Variants in RASA3 observed in about 807,000 individuals in gnomAD.
The protein encoded by RASA3 is RAS p21 protein activator 3, also known as ras GTPase-activating protein 3.
A neutral mutation model predicts 110.0 loss-of-function variants in RASA3; 73 were observed. The observed-to-expected ratio is 0.66, with a 90% CI of 0.55 to 0.81. The LOEUF is 0.81. Ranked by LOEUF, RASA3 falls within the 30% of genes least tolerant of loss-of-function variation. RASA3 has a pLI of 0.00. For synonymous variants in RASA3, 500 were observed against 451.4 expected (o/e 1.11, Z -1.37); for missense variants, 976 against 1,113.2 (o/e 0.88, Z 1.75).
chr13:114,013,938 GTCTCTATCTCTCTGTCTCTC>G (rs1310735057), intron 14 of RASA3, among the ~76,000 whole-genome samples: 2 of 47,088 alleles, frequency 4.2e-5, no homozygotes, highest in Non-Finnish European at 8.3e-5. Context: ...CTCTCTCCCT[GTCTCTATCTCTCTGTCTCTC>G]TCTCTCTCTC....
At chr13:114,132,305 G>A (rs1298977454) in intron 1 of RASA3, 130 bp downstream of exon 1, 5 of 1,007,290 alleles carry the variant, frequency 5.0e-6, no homozygotes, top group Non-Finnish European at 6.6e-6. Context: ...GCCGTTCTCC[G>A]GGGAGCGCGC....
At position 114,075,934 on chromosome 13, in the gene RASA3, T is replaced by G. The variant is rs371443316; in HGVS notation, c.56-2097A>C. 2.5e-3 allele frequency among the ~76,000 whole-genome samples: 234 copies of G among 93,442 alleles called. 1 individual carries two copies. The highest frequency in any genetic ancestry group is 0.021 in the Admixed American group (166 of 7,888). The allele number at this position is 93,442 out of a possible 152,430, so 61.3% of individuals were successfully genotyped here. A position where few individuals can be genotyped will look rare whatever the true frequency, so the allele number is the denominator to read the frequency against. ...GTGGAGGCGCCGGCAGGACGAAGCC[T>G]CCCGTGTCGGCGCCGCGTATCTCTG... On this transcript the variant is annotated intron_variant, in intron 1 of 23. Transcript: ENST00000334062.
At chr13:114,099,396 G>T (rs1016769906) in intron 1 of RASA3, among the ~76,000 whole-genome samples, 2 of 151,960 alleles carry the variant, frequency 1.3e-5, no homozygotes, top group South Asian at 2.1e-4. Flanking sequence ...CGTGTCTTGT[G>T]GGTGGGTGCT....
intron 15 of RASA3, among the ~76,000 whole-genome samples, chr13:114,012,397 CCA>C (rs961732275): frequency 1.3e-5 from 2 of 148,290 alleles, no homozygotes; most frequent in South Asian, 2.2e-4. Flanking sequence ...CGTGCACCGT[CCA>C]CACACTCCAC....
chr13:114,030,499 GAGGGCAAGACTCACACAGAGAGCAAGA>G (rs2054138623), intron 4 of RASA3, among the ~76,000 whole-genome samples: 8 of 106,648 alleles, frequency 7.5e-5, no homozygotes, highest in African/African-American at 2.1e-4. Context: ...GACTCACACA[GAGGGCAAGACTCACACAGAGAGCAAGA>G]CTCACACAGA....
chr13:114,068,424 G>A (rs1373247527), intron 2 of RASA3, among the ~76,000 whole-genome samples: 1 of 152,242 alleles, frequency 6.6e-6, no homozygotes, highest in Non-Finnish European at 1.5e-5. Flanking sequence ...TTACGTGGAT[G>A]GAAGGAAATG....
At chr13:114,002,069 G>C (rs1200102583) in intron 18 of RASA3, among the ~76,000 whole-genome samples, 3 of 152,244 alleles carry the variant, frequency 2.0e-5, no homozygotes, top group Non-Finnish European at 4.4e-5. Flanking sequence ...GCCGGGCAGG[G>C]GTCCCTGACC....
chr13:113,999,788 A>T (rs1255287218), intron 19 of RASA3, 121 bp from the exon 20 acceptor site: 1 of 85,326 alleles, frequency 1.2e-5, no homozygotes, highest in Non-Finnish European at 2.3e-5. Context: ...GGTCTCTGCC[A>T]GGGGGTCTCT....
At chr13:114,066,570 C>T (rs569226798) in intron 2 of RASA3, among the ~76,000 whole-genome samples, 56 of 152,356 alleles carry the variant, frequency 3.7e-4, no homozygotes, top group African/African-American at 1.3e-3. Context: ...CACAGGCGGC[C>T]GATGAGTCCC....
intron 1 of RASA3, among the ~76,000 whole-genome samples, chr13:114,094,541 A>T (rs2079921639): frequency 6.6e-6 from 1 of 152,226 alleles, no homozygotes; most frequent in African/African-American, 2.4e-5. Context: ...AAATGTGCTA[A>T]ATGCCACTGA....
chr13:114,013,896 TTCTC>T lies in RASA3; in HGVS notation c.1406-652_1406-649del, dbSNP rs745615576. Among the ~76,000 whole-genome samples, 10 of 28,102 alleles carry T rather than the reference TTCTC, an allele frequency of 3.6e-4. 1 individual carries two copies. Among genetic ancestry groups the T allele is most frequent in the Admixed American group, 9.3e-4 (3 of 3,228 alleles). The allele number at this position is 28,102 out of a possible 152,430, so 18.4% of individuals were successfully genotyped here. On this transcript the variant is annotated intron_variant, in intron 14 of 23. Transcript: ENST00000334062. Reference sequence around the variant, plus strand: ...TCTCCCTATCTCTGTCTCTCTCTTTTTCTCTCTTTCTCTGTCTCTCTCTCTCCGT... The same window carrying T: ...TCTCCCTATCTCTGTCTCTCTCTTTTTCTTTCTCTGTCTCTCTCTCTCCGT...
intron 2 of RASA3, among the ~76,000 whole-genome samples, chr13:114,062,316 AG>A (rs141510506): frequency 5.3e-5 from 8 of 151,910 alleles, no homozygotes; most frequent in Non-Finnish European, 1.0e-4. Flanking sequence ...AAATTCATTG[AG>A]GGGGGGCTCG....
At position 114,003,417 on chromosome 13, in the gene RASA3, T is replaced by C. The variant is rs560720792; in HGVS notation, c.1743-2485A>G. On this transcript the variant is annotated intron_variant, in intron 18 of 23. Coordinates refer to ENST00000334062, the MANE Select transcript of RASA3 (RefSeq NM_007368.4). ...ACAAGCCCTGAGTGTCCTGTGTTGC[T>C]TTAGGGATTACAGGATGAATATCTG... Among the ~76,000 whole-genome samples, 26 of 152,334 alleles carry C rather than the reference T, an allele frequency of 1.7e-4. No homozygotes were observed. In the South Asian group the frequency reaches 5.0e-3, roughly 29 times the overall value.
At chr13:114,110,053 C>T (rs1174517390) in intron 1 of RASA3, among the ~76,000 whole-genome samples, 1 of 152,246 alleles carries the variant, frequency 6.6e-6, no homozygotes, top group African/African-American at 2.4e-5. Flanking sequence ...AGGCCCTCTC[C>T]CCATCACAGA....
chr13:113,981,602 G>A, intron 23 of RASA3, 73 bp downstream of exon 23: 1 of 1,529,752 alleles, frequency 6.5e-7, no homozygotes. Flanking sequence ...GGAGCTCCCT[G>A]CAGCCCCACC....
chr13:114,071,545 C>T (rs942591990), intron 2 of RASA3, among the ~76,000 whole-genome samples: 1 of 152,226 alleles, frequency 6.6e-6, no homozygotes, highest in Non-Finnish European at 1.5e-5. Context: ...CTGAAGGGCT[C>T]GGTCTCTTCC....
chr13:114,011,135 G>A lies in RASA3; in HGVS notation c.1590+36C>T, dbSNP rs370235357. 46 of 1,530,690 alleles carry A rather than the reference G, an allele frequency of 3.0e-5. No homozygotes were observed. Among genetic ancestry groups the A allele is most frequent in the African/African-American group, 1.4e-4 (10 of 73,192 alleles). 94.8% of individuals were successfully genotyped at this position (1,530,690 alleles called of 1,614,324 possible). ...TTCTGAAGAGAGAAAAGAATCAGTT[G>A]TCCCTAAAAAGAGAAAATGAAGAAG... On this transcript the variant is annotated intron_variant, in intron 16 of 23. Transcript: ENST00000334062. This position sits in a 1 kb window ranked among gnomAD's most constrained non-coding sequence, Gnocchi z 4.8.
chr13:114,079,365 G>C (rs2079743285), intron 1 of RASA3, among the ~76,000 whole-genome samples: 1 of 152,226 alleles, frequency 6.6e-6, no homozygotes, highest in African/African-American at 2.4e-5. Flanking sequence ...AAAGCCCAGG[G>C]CCTGTTGGGG....
chr13:114,117,651 G>T (rs1390507645), intron 1 of RASA3, among the ~76,000 whole-genome samples: 1 of 133,668 alleles, frequency 7.5e-6, no homozygotes, highest in Non-Finnish European at 1.6e-5. Flanking sequence ...GTGTGTGAGG[G>T]GTGCACGTGT....
Sources: allele counts gnomAD v4.1 joint callset (sites outside exome capture counted in the v4.1 genomes callset), GRCh38; gene constraint gnomAD v4.1.1; non-coding constraint Gnocchi (gnomAD v3.1); transcripts MANE v1.5; gene names NCBI Gene and HGNC (gene_info 2026-07-23, HGNC 2026-07-21).